The following ANXA4 variants were observed in gnomAD, a reference collection of about 807,000 sequenced individuals.
ANXA4 encodes 35-beta calcimedin.
Under a neutral mutation model 49.8 loss-of-function variants are expected in ANXA4, and 39 were observed. The observed-to-expected ratio is 0.78, with a 90% CI of 0.61 to 1.02. The LOEUF (loss-of-function observed/expected upper bound fraction) is 1.02, where lower values mean the gene tolerates loss of function less well. ANXA4 is among the 50% of genes least tolerant of loss of function. The pLI is 0.00. For missense variants in ANXA4, 360 were observed against 410.1 expected (o/e 0.88, Z 1.05); for synonymous variants, 134 against 152.5 (o/e 0.88, Z 0.89).
chr2:69,723,023 AT>A (rs202008617), intron 3 of ANXA4, among the ~76,000 whole-genome samples: 30 of 119,782 alleles, frequency 2.5e-4, no homozygotes, highest in South Asian at 5.7e-4. Flanking sequence ...ATACCAAAAA[AT>A]ATATATATAT....
intron 2 of ANXA4, among the ~76,000 whole-genome samples, chr2:69,667,964 A>G (rs1677002662): frequency 6.6e-6 from 1 of 152,228 alleles, no homozygotes; most frequent in Non-Finnish European, 1.5e-5. Flanking sequence ...GCAGAGATGC[A>G]CTAGTGAGCA....
At chr2:69,793,941 C>T (rs1672808795) in intron 3 of ANXA4, among the ~76,000 whole-genome samples, 1 of 152,002 alleles carries the variant, frequency 6.6e-6, no homozygotes, top group Admixed American at 6.6e-5. Context: ...TTTAAATATA[C>T]CCATTGATTG....
chr2:69,808,020 T>C lies in ANXA4; in HGVS notation c.397+24T>C, dbSNP rs141109795. On this transcript the variant is annotated intron_variant, in intron 6 of 12. Coordinates refer to ENST00000394295, the MANE Select transcript of ANXA4 (RefSeq NM_001153.5). Reference sequence around the variant, plus strand: ...GCGTACGTGACATCCGCAGTGGCCCTGGCTGAGGTTTCGCTGTGATTAGAG... The same window carrying C: ...GCGTACGTGACATCCGCAGTGGCCCCGGCTGAGGTTTCGCTGTGATTAGAG... 783 of 1,609,952 alleles carry C rather than the reference T, an allele frequency of 4.9e-4. 1 individual carries two copies. In the African/African-American group the frequency reaches 9.3e-3, roughly 19 times the overall value.
intron 4 of ANXA4, among the ~76,000 whole-genome samples, chr2:69,805,046 CAAA>C (rs60172949): frequency 2.8e-5 from 1 of 35,870 alleles, no homozygotes; most frequent in African/African-American, 7.7e-5. Context: ...GACTCCATCT[CAAA>C]AAAAAAAAAA....
At chr2:69,808,747 G>T (rs973672239) in intron 6 of ANXA4, 12 of 151,470 alleles carry the variant, frequency 7.9e-5, no homozygotes, top group Admixed American at 6.6e-4. Flanking sequence ...CTGCAACCTC[G>T]ACCTCCTGGG....
intron 9 of ANXA4, chr2:69,816,409 T>C: frequency 2.2e-6 from 1 of 458,240 alleles, no homozygotes; most frequent in African/African-American, 2.0e-5. Flanking sequence ...AAAAAGTGCA[T>C]GTAGTCATAG....
chr2:69,753,398 T>C (rs1294885048), intron 1 of ANXA4, among the ~76,000 whole-genome samples: 1 of 152,112 alleles, frequency 6.6e-6, no homozygotes, highest in Non-Finnish European at 1.5e-5. Flanking sequence ...ATTTCCAGAG[T>C]CAAGGGTCCT....
intron 2 of ANXA4, among the ~76,000 whole-genome samples, chr2:69,659,248 A>G (rs1216527962): frequency 6.6e-6 from 1 of 152,262 alleles, no homozygotes; most frequent in Non-Finnish European, 1.5e-5. Context: ...AAACATTAGT[A>G]AAGACAAGAC....
chr2:69,816,051 C>A, intron 8 of ANXA4, 50 bp from the exon 9 acceptor site: 2 of 1,448,106 alleles, frequency 1.4e-6, no homozygotes, highest in African/African-American at 1.4e-5. Context: ...TTGCCTGTGT[C>A]CTGGCACATC....
intron 2 of ANXA4, among the ~76,000 whole-genome samples, chr2:69,673,594 G>A (rs1677277381): frequency 6.6e-6 from 1 of 151,710 alleles, no homozygotes; most frequent in South Asian, 2.1e-4. Context: ...ACCATGGCAT[G>A]TGTATACCTA....
In ANXA4 at chr2:69,711,824, G is replaced by A. The variant is rs1678686448; in HGVS notation, n.767-8950G>A. On this transcript the variant is annotated intron_variant and non_coding_transcript_variant, in intron 2 of 3. Transcript: ENST00000418066. ...TTGAAGGGTGTGGGGGATGGTGTCA[G>A]GACAATGATTTCTGGTTTTGGAAGT... Among the ~76,000 whole-genome samples, 2 of 151,984 alleles carry A rather than the reference G, an allele frequency of 1.3e-5. 1 individual carries two copies. The highest frequency in any genetic ancestry group is 4.2e-4 in the South Asian group (2 of 4,812).
At chr2:69,811,733 A>T (rs72839863) in intron 7 of ANXA4, among the ~76,000 whole-genome samples, 7,681 of 152,182 alleles carry the variant, frequency 0.05, 298 homozygotes, top group Admixed American at 0.097. Context: ...TGTTTCTGTT[A>T]ATATTGCTGT....
intron 12 of ANXA4, among the ~76,000 whole-genome samples, chr2:69,825,085 A>C (rs1213785081): frequency 5.3e-5 from 8 of 150,462 alleles, no homozygotes; most frequent in African/African-American, 1.9e-4. Context: ...AAAAAAAAAA[A>C]AAAAACCACA....
chr2:69,657,351 G>A (rs1676543238), intron 2 of ANXA4, among the ~76,000 whole-genome samples: 1 of 151,894 alleles, frequency 6.6e-6, no homozygotes, highest in Admixed American at 6.6e-5. Context: ...TTGACATATA[G>A]AAATTTTCAT....
chr2:69,731,980 C>CTTTTT (rs11425067), intron 3 of ANXA4, among the ~76,000 whole-genome samples: 59 of 120,118 alleles, frequency 4.9e-4, no homozygotes, highest in East Asian at 1.4e-3. Context: ...TCTTTTCTTT[C>CTTTTT]TTTTTTTTTT....
chr2:69,673,843 G>T (rs1300689655), intron 2 of ANXA4, among the ~76,000 whole-genome samples: 1 of 151,926 alleles, frequency 6.6e-6, no homozygotes, highest in African/African-American at 2.4e-5. Context: ...CTGTGGGCTG[G>T]GAGAATCCCC....
At chr2:69,693,984 T>C (rs1678067825) in intron 2 of ANXA4, among the ~76,000 whole-genome samples, 1 of 152,162 alleles carries the variant, frequency 6.6e-6, no homozygotes, top group Non-Finnish European at 1.5e-5. Context: ...CTGGCTACTG[T>C]GGCCTGGAGA....
At chr2:69,705,475 G>A (rs548243906) in intron 2 of ANXA4, among the ~76,000 whole-genome samples, 3 of 152,296 alleles carry the variant, frequency 2.0e-5, no homozygotes, top group African/African-American at 4.8e-5. Flanking sequence ...GGCTCAGAGC[G>A]TCCCAGTTCA....
chr2:69,694,357 A>G (rs1031036587), intron 2 of ANXA4, among the ~76,000 whole-genome samples: 13 of 145,158 alleles, frequency 9.0e-5, no homozygotes, highest in African/African-American at 2.5e-4. Flanking sequence ...ACAGTAAACA[A>G]TACATTTCTT....
Sources: gnomAD v4.1 joint callset for allele counts (sites outside exome capture counted in the v4.1 genomes callset) on GRCh38, gnomAD v4.1.1 for gene constraint, MANE v1.5 for transcripts, NCBI Gene and HGNC (gene_info 2026-07-23, HGNC 2026-07-21) for gene names.